The following AAAS variants were observed in gnomAD, a reference collection of about 807,000 sequenced individuals.
AAAS encodes the protein aladin WD repeat nucleoporin.
AAAS carries 60 observed loss-of-function variants against 75.6 expected under a neutral mutation model. That is an observed-to-expected ratio of 0.79 (90% CI 0.64 to 0.98). The LOEUF is 0.98. Ranked by LOEUF, AAAS falls within the 50% of genes least tolerant of loss-of-function variation. AAAS has a pLI of 0.00. For missense variants in AAAS, 658 were observed against 686.9 expected, an observed-to-expected ratio of 0.96 and a Z score of 0.47; for synonymous variants, 271 against 265.0, an observed-to-expected ratio of 1.02 and a Z score of -0.22.
chr12:53,307,798 G>A, intron 15 of AAAS, 47 bp downstream of exon 15: 1 of 1,613,054 alleles, frequency 6.2e-7, no homozygotes, highest in Non-Finnish European at 8.5e-7. Flanking sequence ...AAGGCCCTCA[G>A]CTTCTCCATC....
rs1204996415 is a variant in AAAS, at chr12:53,314,390, CAG to C, written c.595_596del (p.Leu199GlyfsTer6). Reference sequence around the variant, plus strand: ...CAGAGGCACTAAGGGGCTTCCAGGCCAGAGACGCCACATTTCGCTGCAGCCGG... The same window carrying C: ...CAGAGGCACTAAGGGGCTTCCAGGCCAGACGCCACATTTCGCTGCAGCCGG... The part of the protein sequence containing the change: ...KHRLQRNVAS[L>X]AWKPLSASVL... On this transcript the variant is annotated frameshift_variant, in exon 7 of 16. Coordinates refer to ENST00000209873, the MANE Select transcript of AAAS (RefSeq NM_015665.6). LOFTEE classifies it high-confidence loss of function. The C allele has an allele frequency of 1.2e-6, 2 of 1,614,142 alleles. No individual in the cohort carries two copies. The highest frequency in any genetic ancestry group is 4.5e-5 in the East Asian group (2 of 44,886).
At chr12:53,314,720 G>T in intron 6 of AAAS, 31 bp downstream of exon 6, 1 of 1,602,052 alleles carries the variant, frequency 6.2e-7, no homozygotes, top group South Asian at 1.1e-5. Flanking sequence ...ATATTGACAA[G>T]TCAGAGCCCA....
At chr12:53,314,527 GAGA>G (rs1018085208) in intron 6 of AAAS, 86 bp from the exon 7 acceptor site, 29 of 1,579,574 alleles carry the variant, frequency 1.8e-5, no homozygotes, top group Admixed American at 1.2e-4. Context: ...GAAAGCCACA[GAGA>G]AGAAGGATGA....
At chr12:53,320,837 A>G (rs1190067334) in intron 1 of AAAS, 145 bp from the exon 2 acceptor site, 2 of 916,932 alleles carry the variant, frequency 2.2e-6, no homozygotes, top group Admixed American at 2.2e-5. Flanking sequence ...CACTTGTGAG[A>G]ATGGGAAACA....
Position 53,314,324 on chromosome 12 carries a change from G to T in AAAS, c.663C>A (p.Thr221=). The T allele has an allele frequency of 6.2e-7, 1 of 1,614,152 alleles. No individual in the cohort carries two copies. The highest frequency in any genetic ancestry group is 8.5e-7 in the Non-Finnish European group (1 of 1,180,022). ...VACQSCILIW[T]LDPTSLSTRP... ...GGGTAGACAAGGAGGTAGGGTCCAG[G>T]GTCCAGATAAGAATGCAGCTCTGGC... The change falls in exon 7 of 16, where the codon ACC becomes ACA. Residue 221 remains threonine (T), a synonymous_variant. Transcript: ENST00000209873.
Position 53,309,146 on chromosome 12 carries a change from G to A in AAAS, c.935+11C>T, listed in dbSNP as rs755146590. On this transcript the variant is annotated intron_variant, in intron 9 of 15. Coordinates refer to ENST00000209873, the MANE Select transcript of AAAS (RefSeq NM_015665.6). ...AGGTCCTTGCCCTCCCTCCATCCTT[G>A]TCCCACTCACCGAAAGACAGCTGAA... 6.2e-7 allele frequency: 1 copy of A among 1,614,144 alleles called. No homozygotes were observed. The highest frequency in any genetic ancestry group is 1.7e-5 in the Admixed American group (1 of 60,010).
chr12:53,320,623 T>A lies in AAAS; in HGVS notation c.193A>T (p.Thr65Ser). 1 of 1,614,184 alleles carries A rather than the reference T, an allele frequency of 6.2e-7. No homozygotes were observed. The highest frequency in any genetic ancestry group is 1.1e-5 in the South Asian group (1 of 91,086). Reference sequence around the variant, plus strand: ...CGGTGATGGATGAAGGCAGTTCTTGTGCCATGGTCCAGCCTTCCAGGGGTC... The same window carrying A: ...CGGTGATGGATGAAGGCAGTTCTTGAGCCATGGTCCAGCCTTCCAGGGGTC... ...LKTPGRLDHG[T>S]RTAFIHHREQ... Residue 65 changes from threonine to serine, a missense_variant, in exon 2 of 16, where the codon ACA becomes TCA. Thr to Ser is a moderately conservative substitution (Grantham distance 58, BLOSUM62 1). Coordinates refer to ENST00000209873, the MANE Select transcript of AAAS (RefSeq NM_015665.6).
chr12:53,321,279 T>C, intron 1 of AAAS, 64 bp downstream of exon 1: 1 of 1,590,474 alleles, frequency 6.3e-7, no homozygotes. Context: ...ACTGCCTCCT[T>C]TCCCCAGTAG....
rs1490978411 is a variant in AAAS at position 53,314,446 on chromosome 12, G to A, written c.546-5C>T. The A allele has an allele frequency of 6.2e-7, 1 of 1,614,006 alleles. No individual in the cohort carries two copies. The highest frequency in any genetic ancestry group is 1.7e-5 in the Admixed American group (1 of 60,022). On this transcript the variant is annotated splice_polypyrimidine_tract_variant and splice_region_variant and intron_variant, in intron 6 of 15. Coordinates refer to ENST00000209873, the MANE Select transcript of AAAS (RefSeq NM_015665.6). Reference sequence around the variant, plus strand: ...TTCAGGGAGGGGACTATGGTGCTAGGGTGAAGGGGCAGGAAACTGAGTCAA... The same window carrying A: ...TTCAGGGAGGGGACTATGGTGCTAGAGTGAAGGGGCAGGAAACTGAGTCAA...
Position 53,314,278 on chromosome 12 carries a change from G to A in AAAS, c.689+20C>T. ...TTGCACAACTCTCAGGCCAAGGTAA[G>A]GCAGGCTACTAGGACTTACCGGGTA... On this transcript the variant is annotated intron_variant, in intron 7 of 15. Transcript: ENST00000209873. The A allele has an allele frequency of 6.2e-7, 1 of 1,614,208 alleles. No homozygotes were observed. Among genetic ancestry groups the A allele is most frequent in the Non-Finnish European group, 8.5e-7 (1 of 1,180,040 alleles).
chr12:53,309,288 G>T lies in AAAS; in HGVS notation c.811-7C>A. ...CTGTTGAGACATCCCATACCTAGGA[G>T]AGTGGGGCAGGAGATAAGGGAAAAC... On this transcript the variant is annotated splice_polypyrimidine_tract_variant and splice_region_variant and intron_variant, in intron 8 of 15. Transcript: ENST00000209873. The T allele has an allele frequency of 6.2e-7, 1 of 1,613,732 alleles. No individual in the cohort carries two copies. Among genetic ancestry groups the T allele is most frequent in the Non-Finnish European group, 8.5e-7 (1 of 1,180,018 alleles).
intron 2 of AAAS, among the ~76,000 whole-genome samples, chr12:53,318,248 G>GTGTGTGCA (rs1944495625): frequency 1.1e-5 from 1 of 91,226 alleles, no homozygotes; most frequent in African/African-American, 5.9e-5. Flanking sequence ...GTGTGTGCGT[G>GTGTGTGCA]TGTGTGTGTG....
At position 53,308,583 on chromosome 12, in the gene AAAS, C is replaced by G. The variant is rs931849643; in HGVS notation, c.1088-55G>C. 9 of 1,608,406 alleles carry G rather than the reference C, an allele frequency of 5.6e-6. No homozygotes were observed. In the South Asian group the frequency reaches 9.9e-5, roughly 18 times the overall value. On this transcript the variant is annotated intron_variant, in intron 11 of 15. Coordinates refer to ENST00000209873, the MANE Select transcript of AAAS (RefSeq NM_015665.6). ...TGCAAGAAACAGGCCTCTCACTGGT[C>G]CCCTGCCAGCTCACCAAAGGCATCA...
intron 13 of AAAS, 28 bp from the exon 14 acceptor site, chr12:53,308,161 G>A (rs1354174600): frequency 6.2e-7 from 1 of 1,613,134 alleles, no homozygotes. Flanking sequence ...AGGGATAGGG[G>A]AGGAACTCTG....
chr12:53,320,626 C>A lies in AAAS; in HGVS notation c.190G>T (p.Gly64Cys), dbSNP rs761619036. ...PLKTPGRLDH[G>C]TRTAFIHHRE... ...TGATGGATGAAGGCAGTTCTTGTGC[C>A]ATGGTCCAGCCTTCCAGGGGTCTTT... The change falls in exon 2 of 16, where the codon GGC becomes TGC. Residue 64 changes from glycine (G) to cysteine (C), a missense_variant. Gly to Cys is a radical substitution (Grantham distance 159). Coordinates refer to ENST00000209873, the MANE Select transcript of AAAS (RefSeq NM_015665.6). 3 of 1,614,166 alleles carry A rather than the reference C, an allele frequency of 1.9e-6. No homozygotes were observed. In the South Asian group the frequency reaches 3.3e-5, roughly 18 times the overall value.
At chr12:53,315,246 C>T (rs775956453) in intron 4 of AAAS, 89 bp downstream of exon 4, 2 of 1,596,672 alleles carry the variant, frequency 1.3e-6, no homozygotes, top group South Asian at 1.1e-5. Context: ...AGTCATCACA[C>T]CCAACCCTGA....
At chr12:53,315,292 G>A in intron 4 of AAAS, 43 bp downstream of exon 4, 1 of 1,607,610 alleles carries the variant, frequency 6.2e-7, no homozygotes, top group South Asian at 1.1e-5. Flanking sequence ...AGTAGGATGG[G>A]GACACAGCAA....
Position 53,321,408 on chromosome 12 carries a change from C to T in AAAS, c.58G>A (p.Glu20Lys), listed in dbSNP as rs758642254. The T allele has an allele frequency of 1.1e-5, 18 of 1,614,002 alleles. No individual in the cohort carries two copies. The highest frequency in any genetic ancestry group is 1.5e-5 in the Non-Finnish European group (18 of 1,180,052). ...PPPRGQVTLY[E>K]HNNELVTGSS... Reference sequence around the variant, plus strand: ...CCCGTCACCAGCTCGTTATTGTGCTCATATAGGGTGACTTGACCCCGAGGC... The same window carrying T: ...CCCGTCACCAGCTCGTTATTGTGCTTATATAGGGTGACTTGACCCCGAGGC... The change falls in exon 1 of 16, where the codon GAG becomes AAG. Residue 20 changes from glutamate to lysine, a missense_variant. Transcript: ENST00000209873.
Position 53,321,342 on chromosome 12 carries a change from C to A in AAAS, c.123+1G>T. On this transcript the variant is annotated splice_donor_variant, in intron 1 of 15. Coordinates refer to ENST00000209873, the MANE Select transcript of AAAS (RefSeq NM_015665.6). LOFTEE classifies it high-confidence loss of function. The stretch of plus-strand genomic sequence containing the variant: ...GTCCCCTCCCTCCTCGCCCTGGCCA[C>A]CTGGCCCCGGAAGTCGGGGGGCGGG... 1 of 1,613,650 alleles carries A rather than the reference C, an allele frequency of 6.2e-7. No homozygotes were observed. The highest frequency in any genetic ancestry group is 8.5e-7 in the Non-Finnish European group (1 of 1,179,896).
Sources: gnomAD v4.1 joint callset for allele counts (sites outside exome capture counted in the v4.1 genomes callset) on GRCh38, gnomAD v4.1.1 for gene constraint, MANE v1.5 for transcripts, NCBI Gene and HGNC (gene_info 2026-07-23, HGNC 2026-07-21) for gene names.